The following SHQ1 variants were observed in gnomAD, a reference collection of about 807,000 sequenced individuals.
SHQ1 encodes the protein SHQ1, H/ACA ribonucleoprotein assembly factor.
SHQ1 carries 49 observed loss-of-function variants against 53.8 expected under a neutral mutation model. That is an observed-to-expected ratio of 0.91 (90% confidence interval 0.72 to 1.16). SHQ1 has a LOEUF of 1.16. SHQ1 is among the 50% of genes most tolerant of loss of function. The probability of loss-of-function intolerance (pLI) is 0.00; values close to 1 mark genes in which losing one functional copy is unlikely to be tolerated. For synonymous variants in SHQ1, 243 were observed against 251.0 expected (o/e 0.97, Z 0.30); for missense variants, 738 against 683.1 (o/e 1.08, Z -0.90).
rs1451315619 is a variant in SHQ1, at chr3:72,756,689, T to C, written c.1182-5853A>G. Among the ~76,000 whole-genome samples the C allele has an allele frequency of 2.0e-5, 3 of 152,250 alleles. No individual in the cohort carries two copies. In the East Asian group the frequency reaches 5.8e-4, roughly 29 times the overall value. On this transcript the variant is annotated intron_variant, in intron 10 of 10. Coordinates refer to ENST00000325599, the MANE Select transcript of SHQ1 (RefSeq NM_018130.3). ...AGACAATTGGATACCACTGCTGTCA[T>C]ATTTTAATAAAACCACACTCAAAAT...
chr3:72,836,041 G>A (rs766968605), intron 4 of SHQ1, among the ~76,000 whole-genome samples: 13 of 152,130 alleles, frequency 8.5e-5, no homozygotes, highest in South Asian at 8.3e-4. Flanking sequence ...CACTGTGCCC[G>A]GTGTCCAATA....
At chr3:72,730,782 A>ATC in the SHQ1 span, among the ~76,000 whole-genome samples, 353 of 149,156 alleles carry the variant, frequency 2.4e-3, 2 homozygotes, top group African/African-American at 7.5e-3. Context: ...AAATGTGTCA[A>ATC]TCTCTCTCTC....
At chr3:72,820,025 A>T (rs1559688434) in intron 6 of SHQ1, among the ~76,000 whole-genome samples, 1 of 152,204 alleles carries the variant, frequency 6.6e-6, no homozygotes, top group Non-Finnish European at 1.5e-5. Flanking sequence ...GGTGTTCATG[A>T]TCTCTGACTA....
At chr3:72,804,997 T>C (rs964322850) in intron 9 of SHQ1, among the ~76,000 whole-genome samples, 2 of 152,216 alleles carry the variant, frequency 1.3e-5, no homozygotes, top group Non-Finnish European at 2.9e-5. Flanking sequence ...CAAACCTAGA[T>C]GGTAGAGTCC....
Position 72,786,836 on chromosome 3 carries a change from C to A in SHQ1, c.1181+6080G>T, listed in dbSNP as rs556149444. 5.9e-5 allele frequency among the ~76,000 whole-genome samples: 9 copies of A among 152,208 alleles called. No individual in the cohort carries two copies. In the South Asian group the frequency reaches 1.4e-3, roughly 24 times the overall value. ...AAAAAAATACATGACTCCACTTTTA[C>A]ATGCAATTCTGATGTTGCACCTCTG... is the stretch of plus-strand genomic sequence containing the variant. On this transcript the variant is annotated intron_variant, in intron 10 of 10. Transcript: ENST00000325599.
intron 3 of SHQ1, among the ~76,000 whole-genome samples, 195 bp downstream of exon 3, chr3:72,842,085 A>G (rs1027541023): frequency 6.6e-6 from 1 of 152,178 alleles, no homozygotes; most frequent in Non-Finnish European, 1.5e-5. Flanking sequence ...AATGTGAGTG[A>G]TCTGGTTCAA....
chr3:72,791,473 T>C (rs1166754979), intron 10 of SHQ1, among the ~76,000 whole-genome samples: 1 of 152,114 alleles, frequency 6.6e-6, no homozygotes, highest in East Asian at 1.9e-4. Flanking sequence ...TAGCCTCAAG[T>C]TTTTTCATAT....
chr3:72,821,215 C>G (rs1018800367), intron 6 of SHQ1, among the ~76,000 whole-genome samples: 1 of 152,198 alleles, frequency 6.6e-6, no homozygotes, highest in African/African-American at 2.4e-5. Context: ...TCTACAAACA[C>G]TGAAGGGCTC....
At chr3:72,795,122 T>G (rs1706565847) in intron 9 of SHQ1, 1 of 152,222 alleles carries the variant, frequency 6.6e-6, no homozygotes, top group African/African-American at 2.4e-5. Flanking sequence ...GTAGTAAGTC[T>G]GAAAACAGAG....
At chr3:72,776,302 G>A (rs1705957194) in intron 10 of SHQ1, among the ~76,000 whole-genome samples, 1 of 152,170 alleles carries the variant, frequency 6.6e-6, no homozygotes, top group Admixed American at 6.5e-5. Flanking sequence ...TGATTTTACT[G>A]TACCTTTTCC....
intron 5 of SHQ1, among the ~76,000 whole-genome samples, chr3:72,830,593 GAGTC>G (rs1384899285): frequency 1.3e-5 from 2 of 151,976 alleles, no homozygotes; most frequent in Non-Finnish European, 2.9e-5. Flanking sequence ...ACATTTGGGT[GAGTC>G]AGTCAGCTAA....
chr3:72,730,263 G>A, the SHQ1 span, among the ~76,000 whole-genome samples: 2 of 152,060 alleles, frequency 1.3e-5, no homozygotes, highest in Non-Finnish European at 2.9e-5. Context: ...CTACAGACAT[G>A]TGTCACCACA....
chr3:72,809,978 A>G (rs1047949585), intron 9 of SHQ1: 2 of 151,924 alleles, frequency 1.3e-5, no homozygotes, highest in Non-Finnish European at 2.9e-5. Context: ...AAAAAAAAAA[A>G]GAATAACTCT....
chr3:72,765,464 G>C, intron 10 of SHQ1, among the ~76,000 whole-genome samples: 1 of 138,020 alleles, frequency 7.2e-6, no homozygotes, highest in Non-Finnish European at 1.5e-5. Flanking sequence ...TCCTTCTGTC[G>C]CCCAGGCTGG....
In SHQ1 at chr3:72,842,330, A is replaced by G; in HGVS notation, c.281T>C (p.Leu94Pro). The change falls in exon 3 of 11, where the codon CTT (leucine) becomes CCT (proline). Residue 94 changes from leucine to proline, a missense_variant. Physicochemically the swap from Leu to Pro is moderately conservative, Grantham distance 98 (BLOSUM62 -3). Transcript: ENST00000325599. ...HFEGLNMLTA[L>P]LAPRKSRTAK... ...TGTCCTGGATTTTCTTGGTGCCAGA[A>G]GAGCAGTTAACATGTTCAGCCCCTC... 1.2e-6 allele frequency: 2 copies of G among 1,614,014 alleles called. No homozygotes were observed. Among genetic ancestry groups the G allele is most frequent in the South Asian group, 1.1e-5 (1 of 91,086 alleles).
chr3:72,821,820 T>G (rs923076500), intron 6 of SHQ1, among the ~76,000 whole-genome samples: 1 of 152,232 alleles, frequency 6.6e-6, no homozygotes, highest in South Asian at 2.1e-4. Context: ...TTTTCCCCCA[T>G]ATTTTATCCT....
At chr3:72,751,503 T>C (rs1483831044) in intron 10 of SHQ1, among the ~76,000 whole-genome samples, 1 of 130,562 alleles carries the variant, frequency 7.7e-6, no homozygotes, top group South Asian at 2.2e-4. Context: ...TGTGTGTGTG[T>C]GTGTGTATAT....
At chr3:72,748,863 G>A (rs549154446), downstream of SHQ1, among the ~76,000 whole-genome samples, 6 of 152,152 alleles carry the variant, frequency 3.9e-5, no homozygotes, top group South Asian at 6.2e-4. Context: ...GAGGAGGTGC[G>A]AGGATTGCTT....
chr3:72,837,102 C>T (rs1056533494), intron 4 of SHQ1, among the ~76,000 whole-genome samples: 1 of 152,168 alleles, frequency 6.6e-6, no homozygotes, highest in Non-Finnish European at 1.5e-5. Flanking sequence ...AGGATTGTTG[C>T]TGCTGGCAGC....
Sources: allele counts gnomAD v4.1 joint callset (sites outside exome capture counted in the v4.1 genomes callset), GRCh38; gene constraint gnomAD v4.1.1; transcripts MANE v1.5; gene names NCBI Gene and HGNC (gene_info 2026-07-23, HGNC 2026-07-21).